RBFOX1: variants seen among roughly 807,000 people sequenced by gnomAD.
RBFOX1 encodes RNA binding protein fox-1 homolog 1.
A neutral mutation model predicts 57.7 loss-of-function variants in RBFOX1; 8 were observed. That is an observed-to-expected ratio of 0.14 (90% CI 0.08 to 0.25). The LOEUF is 0.25. Ranked by LOEUF, RBFOX1 falls within the 10% of genes least tolerant of loss-of-function variation. RBFOX1 has a pLI of 1.00. For missense variants in RBFOX1, 611 were observed against 548.5 expected (o/e 1.11, Z -1.14); for synonymous variants, 326 against 222.4 (o/e 1.47, Z -4.15).
At chr16:5,796,294 A>G (rs1296252977) in intron 3 of RBFOX1, among the ~76,000 whole-genome samples, 6 of 152,220 alleles carry the variant, frequency 3.9e-5, no homozygotes, top group Non-Finnish European at 1.5e-5. Flanking sequence ...GAAGAAGGAA[A>G]CATGTTATGG....
intron 2 of RBFOX1, among the ~76,000 whole-genome samples, chr16:5,525,603 T>G (rs2044214936): frequency 6.8e-6 from 1 of 147,364 alleles, no homozygotes; most frequent in Non-Finnish European, 1.5e-5. Context: ...GTGAAAGCAA[T>G]TCTCCTGCCT....
intron 4 of RBFOX1, among the ~76,000 whole-genome samples, chr16:7,110,666 T>G (rs1426725196): frequency 6.6e-6 from 1 of 152,160 alleles, no homozygotes; most frequent in African/African-American, 2.4e-5. Flanking sequence ...CCATATTCAT[T>G]CACCATAGTT....
intron 3 of RBFOX1, chr16:6,874,076 C>G (rs918270357): frequency 5.9e-5 from 9 of 152,162 alleles, no homozygotes; most frequent in African/African-American, 1.4e-4. Context: ...GAAAAAGACA[C>G]TTGCACATGC....
chr16:6,855,672 C>A (rs1376160143), intron 3 of RBFOX1, among the ~76,000 whole-genome samples: 5 of 143,436 alleles, frequency 3.5e-5, no homozygotes, highest in African/African-American at 8.0e-5. Context: ...AAAAAAAGAT[C>A]TTTTAACTCT....
intron 4 of RBFOX1, among the ~76,000 whole-genome samples, chr16:7,147,381 A>G (rs2075234544): frequency 6.7e-6 from 1 of 149,382 alleles, no homozygotes; most frequent in East Asian, 2.0e-4. Flanking sequence ...GGTAAACTGC[A>G]TGTTCCTGAA....
chr16:6,972,329 C>T (rs1006451954), intron 3 of RBFOX1, among the ~76,000 whole-genome samples: 4 of 152,008 alleles, frequency 2.6e-5, no homozygotes, highest in Middle Eastern at 3.2e-3. Context: ...TACCTTGTAT[C>T]GGTGGAATTA....
chr16:7,599,505 G>A (rs1209486665), intron 9 of RBFOX1, among the ~76,000 whole-genome samples: 4 of 152,068 alleles, frequency 2.6e-5, no homozygotes, highest in African/African-American at 7.2e-5. Context: ...AGCCTTTCTG[G>A]AATATGAGGT....
intron 3 of RBFOX1, among the ~76,000 whole-genome samples, chr16:5,774,212 C>T (rs1431391797): frequency 6.6e-6 from 1 of 152,104 alleles, no homozygotes; most frequent in African/African-American, 2.4e-5. Context: ...GGGATTTGGG[C>T]AATGGGAAGA....
At chr16:6,917,830 G>A (rs1482838925) in intron 3 of RBFOX1, among the ~76,000 whole-genome samples, 2 of 152,074 alleles carry the variant, frequency 1.3e-5, no homozygotes, top group East Asian at 1.9e-4. Flanking sequence ...CAGGGCCCTG[G>A]GGGAGACATC....
At chr16:7,331,602 A>G (rs1461427481) in intron 4 of RBFOX1, among the ~76,000 whole-genome samples, 1 of 152,154 alleles carries the variant, frequency 6.6e-6, no homozygotes, top group African/African-American at 2.4e-5. Context: ...AAAGTGGCTA[A>G]TAGCTGCCGG....
intron 2 of RBFOX1, among the ~76,000 whole-genome samples, chr16:6,545,763 T>C (rs2096885982): frequency 6.6e-6 from 1 of 152,376 alleles, no homozygotes; most frequent in South Asian, 2.1e-4. Context: ...TTGAGGCTGA[T>C]GGCATCTTTG....
chr16:7,165,483 G>A (rs531585112), intron 4 of RBFOX1, among the ~76,000 whole-genome samples: 9 of 151,628 alleles, frequency 5.9e-5, no homozygotes, highest in Admixed American at 3.3e-4. Context: ...AGGCTGGAGT[G>A]CAATGGCATG....
At chr16:6,187,788 A>G (rs2097114574) in intron 1 of RBFOX1, among the ~76,000 whole-genome samples, 1 of 152,166 alleles carries the variant, frequency 6.6e-6, no homozygotes, top group African/African-American at 2.4e-5. Flanking sequence ...GATAACATTA[A>G]CAAACGTTTG....
intron 3 of RBFOX1, among the ~76,000 whole-genome samples, chr16:7,048,857 T>C (rs1029433506): frequency 6.6e-6 from 1 of 152,188 alleles, no homozygotes; most frequent in Non-Finnish European, 1.5e-5. Flanking sequence ...ATGGAAGTTG[T>C]TGATATTTTT....
intron 4 of RBFOX1, among the ~76,000 whole-genome samples, chr16:5,998,450 C>G (rs989402117): frequency 3.3e-5 from 5 of 152,224 alleles, no homozygotes; most frequent in African/African-American, 1.2e-4. Context: ...AAGCGAACTT[C>G]TATCTTGAGT....
chr16:7,352,552 C>A (rs902241365), intron 4 of RBFOX1, among the ~76,000 whole-genome samples: 1 of 152,032 alleles, frequency 6.6e-6, no homozygotes, highest in Non-Finnish European at 1.5e-5. Context: ...TGTTCTAGGG[C>A]CCTTTGCAGC....
chr16:6,808,246 T>G (rs2087444661), intron 3 of RBFOX1, among the ~76,000 whole-genome samples: 1 of 151,574 alleles, frequency 6.6e-6, no homozygotes, highest in Admixed American at 6.6e-5. Context: ...GCCTTTATAT[T>G]CTACTGATGC....
At chr16:6,779,322 C>G (rs1030534283) in intron 3 of RBFOX1, among the ~76,000 whole-genome samples, 2 of 151,934 alleles carry the variant, frequency 1.3e-5, no homozygotes, top group Admixed American at 6.6e-5. Context: ...CCAGTTGTGT[C>G]TATGCTGTTT....
At chr16:6,964,898 T>C (rs1303681585) in intron 3 of RBFOX1, among the ~76,000 whole-genome samples, 2 of 152,194 alleles carry the variant, frequency 1.3e-5, no homozygotes, top group Non-Finnish European at 2.9e-5. Context: ...ACCTCCTCCC[T>C]GACTTAAGCC....
Sources: allele counts gnomAD v4.1 joint callset (sites outside exome capture counted in the v4.1 genomes callset), GRCh38; gene constraint gnomAD v4.1.1; transcripts MANE v1.5; gene names NCBI Gene and HGNC (gene_info 2026-07-23, HGNC 2026-07-21).